The following NCOA1 variants were observed in gnomAD, a reference collection of about 807,000 sequenced individuals.
NCOA1 encodes the protein Hin-2 protein.
A neutral mutation model predicts 150.9 loss-of-function variants in NCOA1; 35 were observed. The ratio of observed to expected loss-of-function variants is 0.23; its 90% CI spans 0.18 to 0.31. The LOEUF (loss-of-function observed/expected upper bound fraction) is 0.31, where lower values mean the gene tolerates loss of function less well. Ranked by LOEUF, NCOA1 falls within the 10% of genes least tolerant of loss-of-function variation. The pLI, the probability that NCOA1 is intolerant of heterozygous loss-of-function variation, is 1.00. For missense variants in NCOA1, 1,491 were observed against 1,749.3 expected, an observed-to-expected ratio of 0.85 and a Z score of 2.63; for synonymous variants, 590 against 630.0, an observed-to-expected ratio of 0.94 and a Z score of 0.95.
chr2:24,602,088 A>G (rs895716622), intron 3 of NCOA1, among the ~76,000 whole-genome samples: 11 of 152,208 alleles, frequency 7.2e-5, no homozygotes, highest in African/African-American at 2.4e-4. Flanking sequence ...ATTAAAATTT[A>G]GGAAGAACCC....
chr2:24,499,993 A>G (rs1663386750), intron 1 of NCOA1, among the ~76,000 whole-genome samples: 1 of 152,242 alleles, frequency 6.6e-6, no homozygotes, highest in Admixed American at 6.5e-5. Flanking sequence ...TTGATAGCAT[A>G]CAACAGAAAT....
At chr2:24,514,658 C>G (rs974187713) in intron 1 of NCOA1, among the ~76,000 whole-genome samples, 1 of 151,304 alleles carries the variant, frequency 6.6e-6, no homozygotes, top group Non-Finnish European at 1.5e-5. Flanking sequence ...GAAAACTAGC[C>G]GATTGTGTTG....
At chr2:24,632,583 C>T (rs1192252721) in intron 3 of NCOA1, among the ~76,000 whole-genome samples, 2 of 152,136 alleles carry the variant, frequency 1.3e-5, no homozygotes, top group African/African-American at 2.4e-5. Flanking sequence ...GAACCCCTGG[C>T]CCCCTTCTCC....
intron 3 of NCOA1, among the ~76,000 whole-genome samples, chr2:24,625,756 T>G (rs980342861): frequency 1.6e-4 from 24 of 152,090 alleles, no homozygotes; most frequent in African/African-American, 4.8e-4. Context: ...GTTTTGTTTT[T>G]TTTTTTTCCT....
chr2:24,608,002 A>C (rs1182636973), intron 3 of NCOA1, among the ~76,000 whole-genome samples: 1 of 152,018 alleles, frequency 6.6e-6, no homozygotes, highest in African/African-American at 2.4e-5. Context: ...GCCTGTTTGG[A>C]GTTGATTCTA....
chr2:24,711,476 C>G (rs962487431), intron 14 of NCOA1: 5 of 162,686 alleles, frequency 3.1e-5, no homozygotes, highest in African/African-American at 1.2e-4. Context: ...ATAAAAGATT[C>G]TGTACTAAAA....
intron 14 of NCOA1, among the ~76,000 whole-genome samples, chr2:24,715,065 G>A (rs1572631841): frequency 6.6e-6 from 1 of 152,022 alleles, no homozygotes; most frequent in South Asian, 2.1e-4. Flanking sequence ...CTAACTTTCT[G>A]TATCCAGTAT....
intron 3 of NCOA1, among the ~76,000 whole-genome samples, chr2:24,639,914 G>GTGTATGTA (rs1287866859): frequency 1.5e-4 from 3 of 19,570 alleles, no homozygotes; most frequent in Non-Finnish European, 2.8e-4. Context: ...GTATGTGTGT[G>GTGTATGTA]TGTATATATA....
chr2:24,748,330 G>A (rs1664042032), intron 19 of NCOA1, among the ~76,000 whole-genome samples: 1 of 149,786 alleles, frequency 6.7e-6, no homozygotes, highest in Non-Finnish European at 1.5e-5. Context: ...TAGCCTATAA[G>A]GCCGGGCGTG....
At chr2:24,561,902 A>G (rs968859386) in intron 1 of NCOA1, among the ~76,000 whole-genome samples, 3 of 152,232 alleles carry the variant, frequency 2.0e-5, no homozygotes, top group African/African-American at 4.8e-5. Flanking sequence ...GTATAAAAGA[A>G]GAAACTTTGT....
intron 11 of NCOA1, among the ~76,000 whole-genome samples, chr2:24,702,746 A>G (rs1307345055): frequency 6.6e-6 from 1 of 152,218 alleles, no homozygotes; most frequent in Non-Finnish European, 1.5e-5. Context: ...AGAGATCAGA[A>G]TACTAGGTAT....
intron 3 of NCOA1, among the ~76,000 whole-genome samples, chr2:24,591,744 A>G (rs1289519045): frequency 6.6e-6 from 1 of 152,064 alleles, no homozygotes; most frequent in Non-Finnish European, 1.5e-5. Flanking sequence ...ACACCTACTT[A>G]TCTTTCAGGT....
At chr2:24,570,499 A>T (rs1205386698) in intron 2 of NCOA1, among the ~76,000 whole-genome samples, 2 of 152,230 alleles carry the variant, frequency 1.3e-5, no homozygotes, top group East Asian at 3.8e-4. Context: ...TATGCTAAGG[A>T]GCCAACTATG....
intron 3 of NCOA1, among the ~76,000 whole-genome samples, chr2:24,626,578 A>G (rs1045936598): frequency 6.6e-6 from 1 of 152,218 alleles, no homozygotes; most frequent in Non-Finnish European, 1.5e-5. Context: ...AGTGTATTTA[A>G]TAGTGACTTT....
chr2:24,524,544 C>T (rs1350524935), intron 1 of NCOA1, among the ~76,000 whole-genome samples: 1 of 152,164 alleles, frequency 6.6e-6, no homozygotes, highest in African/African-American at 2.4e-5. Flanking sequence ...ATCCTCATGC[C>T]TCGGCCTCCC....
chr2:24,520,018 A>T (rs778392539), intron 1 of NCOA1, among the ~76,000 whole-genome samples: 1 of 152,350 alleles, frequency 6.6e-6, no homozygotes, highest in Non-Finnish European at 1.5e-5. Flanking sequence ...AAAAGATAAT[A>T]AACATAATTA....
chr2:24,706,537 T>A (rs753233048), intron 12 of NCOA1, 31 bp from the exon 13 acceptor site: 2 of 1,545,016 alleles, frequency 1.3e-6, no homozygotes, highest in South Asian at 2.5e-5. Context: ...CAAATGAAGA[T>A]GTTTGAATAA....
chr2:24,600,092 A>G (rs1263028807), intron 3 of NCOA1, among the ~76,000 whole-genome samples: 1 of 152,190 alleles, frequency 6.6e-6, no homozygotes, highest in Non-Finnish European at 1.5e-5. Flanking sequence ...CTTCACTTTT[A>G]TAAAATCCTT....
chr2:24,529,985 G>A (rs765978422), intron 1 of NCOA1, among the ~76,000 whole-genome samples: 7 of 152,088 alleles, frequency 4.6e-5, no homozygotes, highest in Admixed American at 6.5e-5. Flanking sequence ...ACAACATACC[G>A]TGAATTGCTA....
Sources: gnomAD v4.1 joint callset for allele counts (sites outside exome capture counted in the v4.1 genomes callset) on GRCh38, gnomAD v4.1.1 for gene constraint, MANE v1.5 for transcripts, NCBI Gene and HGNC (gene_info 2026-07-23, HGNC 2026-07-21) for gene names.